Variants in CABLES1 observed in about 807,000 individuals in gnomAD.
The protein encoded by CABLES1 is CDK5 and ABL1 enzyme substrate 1.
A neutral mutation model predicts 57.8 loss-of-function variants in CABLES1; 36 were observed. The ratio of observed to expected loss-of-function variants is 0.62; its 90% CI spans 0.48 to 0.82. CABLES1 has a LOEUF of 0.82. CABLES1 is among the 40% of genes least tolerant of loss of function. The probability of loss-of-function intolerance (pLI) is 0.00; values close to 1 mark genes in which losing one functional copy is unlikely to be tolerated. For missense variants in CABLES1, 767 were observed against 836.6 expected (o/e 0.92, Z 1.03); for synonymous variants, 374 against 363.0 (o/e 1.03, Z -0.35).
intron 1 of CABLES1, among the ~76,000 whole-genome samples, chr18:23,180,668 C>T (rs1010908104): frequency 2.6e-5 from 4 of 152,116 alleles, no homozygotes; most frequent in African/African-American, 4.8e-5. Context: ...TGCCACTAAG[C>T]GCAGCTGATT....
chr18:23,155,989 GC>G, intron 1 of CABLES1: 1 of 1,613,280 alleles, frequency 6.2e-7, no homozygotes, highest in Non-Finnish European at 8.5e-7. Context: ...GACCCAGAGA[GC>G]TGAGTCTGTT....
intron 7 of CABLES1, among the ~76,000 whole-genome samples, chr18:23,243,943 C>G (rs1045165229): frequency 6.6e-6 from 1 of 151,882 alleles, no homozygotes; most frequent in African/African-American, 2.4e-5. Flanking sequence ...AGCATCTGCT[C>G]TCTATGTATT....
chr18:23,161,536 G>A (rs966662209), intron 1 of CABLES1, among the ~76,000 whole-genome samples: 2 of 150,238 alleles, frequency 1.3e-5, no homozygotes, highest in Non-Finnish European at 1.5e-5. Flanking sequence ...CAAGGCACAC[G>A]AGATGAACAT....
intron 1 of CABLES1, among the ~76,000 whole-genome samples, chr18:23,186,683 A>C (rs988517568): frequency 6.6e-6 from 1 of 152,022 alleles, no homozygotes; most frequent in Non-Finnish European, 1.5e-5. Context: ...CGGCCTCCCA[A>C]AGTGCTGGGA....
chr18:23,233,398 C>A (rs771772247), intron 4 of CABLES1, among the ~76,000 whole-genome samples: 1 of 152,194 alleles, frequency 6.6e-6, no homozygotes, highest in Non-Finnish European at 1.5e-5. Flanking sequence ...TGGATGAACT[C>A]TCCAACCTAC....
chr18:23,185,107 C>G (rs1225684017), intron 1 of CABLES1, among the ~76,000 whole-genome samples: 1 of 152,230 alleles, frequency 6.6e-6, no homozygotes, highest in East Asian at 1.9e-4. Context: ...ACCCTTATAA[C>G]TGTAAAGAAA....
intron 4 of CABLES1, among the ~76,000 whole-genome samples, chr18:23,215,981 C>T (rs553305801): frequency 3.3e-5 from 5 of 152,128 alleles, no homozygotes; most frequent in Non-Finnish European, 7.3e-5. Context: ...GTCTTGATCT[C>T]CTGACCTCGT....
chr18:23,205,164 A>C (rs2047353803), intron 3 of CABLES1, among the ~76,000 whole-genome samples: 1 of 150,626 alleles, frequency 6.6e-6, no homozygotes, highest in Non-Finnish European at 1.5e-5. Context: ...GGAATTCCAA[A>C]AGGACTTCAT....
chr18:23,250,199 G>C (rs928627717), intron 7 of CABLES1, among the ~76,000 whole-genome samples: 2 of 152,246 alleles, frequency 1.3e-5, no homozygotes, highest in African/African-American at 4.8e-5. Flanking sequence ...GGATATCCTT[G>C]CTGGTGCTCA....
intron 1 of CABLES1, among the ~76,000 whole-genome samples, chr18:23,151,733 C>G (rs995387792): frequency 1.3e-5 from 2 of 152,100 alleles, no homozygotes; most frequent in African/African-American, 2.4e-5. Flanking sequence ...GAACTAAGGT[C>G]TAAGAGTGGA....
intron 3 of CABLES1, among the ~76,000 whole-genome samples, chr18:23,207,260 CA>C (rs1469897447): frequency 6.6e-6 from 1 of 152,196 alleles, no homozygotes; most frequent in Admixed American, 6.5e-5. Context: ...TTGCGTGAGT[CA>C]GGGGTGTTGG....
rs116794654 is a variant in CABLES1 at position 23,180,742 on chromosome 18, G to A, written c.846-8096G>A. On this transcript the variant is annotated intron_variant, in intron 1 of 9. Coordinates refer to ENST00000256925, the MANE Select transcript of CABLES1 (RefSeq NM_001100619.3). ...CTCCTTTAAGTAGTAGGCTTCCATA[G>A]TCAAACAGTTACAAACTACAGATTT... 2.7e-3 allele frequency among the ~76,000 whole-genome samples: 411 copies of A among 152,276 alleles called. 1 individual carries two copies. Among genetic ancestry groups the A allele is most frequent in the African/African-American group, 9.6e-3 (400 of 41,558 alleles).
chr18:23,206,878 A>G (rs2047367848), intron 3 of CABLES1, among the ~76,000 whole-genome samples: 1 of 149,478 alleles, frequency 6.7e-6, no homozygotes, highest in African/African-American at 2.5e-5. Context: ...TGGCACAATC[A>G]TAGCCCACTG....
At chr18:23,181,496 C>CA (rs59742943) in intron 1 of CABLES1, among the ~76,000 whole-genome samples, 15,798 of 35,084 alleles carry the variant, frequency 0.45, 5,884 homozygotes, top group Non-Finnish European at 0.61. Context: ...AGCTTCGTCT[C>CA]AAAAAAAAAA....
At chr18:23,246,121 G>A (rs1598867550) in intron 7 of CABLES1, among the ~76,000 whole-genome samples, 2 of 152,116 alleles carry the variant, frequency 1.3e-5, no homozygotes, top group South Asian at 2.1e-4. Context: ...AAAATTAGCC[G>A]GGTGTGGTGG....
At chr18:23,250,406 GA>G (rs1303954620) in intron 7 of CABLES1, among the ~76,000 whole-genome samples, 1 of 152,190 alleles carries the variant, frequency 6.6e-6, no homozygotes, top group Non-Finnish European at 1.5e-5. Context: ...AGGGTTGGCT[GA>G]TGGGCCCTCC....
intron 7 of CABLES1, among the ~76,000 whole-genome samples, chr18:23,246,585 G>GT (rs1238302533): frequency 1.4e-3 from 211 of 151,908 alleles, no homozygotes; most frequent in Non-Finnish European, 2.4e-3. Flanking sequence ...TAGAGATGGG[G>GT]TTTCACCGTG....
At chr18:23,150,210 T>TTTTTTTTG (rs1568043726) in intron 1 of CABLES1, among the ~76,000 whole-genome samples, 1 of 141,704 alleles carries the variant, frequency 7.1e-6, no homozygotes, top group African/African-American at 2.7e-5. Context: ...GGTGTTTGTT[T>TTTTTTTTG]TTTTTTTTTT....
chr18:23,251,452 A>G (rs1276476137), intron 7 of CABLES1, among the ~76,000 whole-genome samples: 3 of 152,110 alleles, frequency 2.0e-5, no homozygotes, highest in African/African-American at 7.2e-5. Flanking sequence ...CTCCGTCTCA[A>G]AAAAAATAAA....
Sources: allele counts gnomAD v4.1 joint callset (sites outside exome capture counted in the v4.1 genomes callset), GRCh38; gene constraint gnomAD v4.1.1; transcripts MANE v1.5; gene names NCBI Gene and HGNC (gene_info 2026-07-23, HGNC 2026-07-21).